Variants in DOK5 observed in about 807,000 individuals in gnomAD.
DOK5 encodes the protein downstream of tyrosine kinase 5.
DOK5 carries 27 observed loss-of-function variants against 43.3 expected under a neutral mutation model. The observed-to-expected ratio is 0.62, with a 90% confidence interval of 0.46 to 0.86. The LOEUF (loss-of-function observed/expected upper bound fraction) is 0.86, where lower values mean the gene tolerates loss of function less well. Among genes scored for constraint, DOK5 ranks in the 40% least tolerant of loss-of-function variants. The probability of loss-of-function intolerance (pLI) is 0.00; values close to 1 mark genes in which losing one functional copy is unlikely to be tolerated. For synonymous variants in DOK5, 146 were observed against 140.1 expected, an observed-to-expected ratio of 1.04 and a Z score of -0.30; for missense variants, 373 against 392.9, an observed-to-expected ratio of 0.95 and a Z score of 0.43.
At chr20:54,596,304 A>G (rs1410070218) in intron 5 of DOK5, among the ~76,000 whole-genome samples, 1 of 152,230 alleles carries the variant, frequency 6.6e-6, no homozygotes, top group Non-Finnish European at 1.5e-5. Context: ...TCTCACATCG[A>G]GAAGTGAGCA....
At chr20:54,555,153 C>T (rs910446826) in intron 2 of DOK5, 113 bp downstream of exon 2, 12 of 699,312 alleles carry the variant, frequency 1.7e-5, no homozygotes, top group Non-Finnish European at 3.0e-5. Flanking sequence ...ATATCTTTTC[C>T]AAGGACAAAA....
chr20:54,648,601 G>A (rs762436113), intron 7 of DOK5, among the ~76,000 whole-genome samples: 1 of 152,116 alleles, frequency 6.6e-6, no homozygotes, highest in Non-Finnish European at 1.5e-5. Context: ...ATGAGCTGCG[G>A]GCATTCAAAG....
At chr20:54,606,491 G>A (rs1268374878) in intron 5 of DOK5, among the ~76,000 whole-genome samples, 1 of 152,172 alleles carries the variant, frequency 6.6e-6, no homozygotes, top group Non-Finnish European at 1.5e-5. Flanking sequence ...GTTCTGTGTT[G>A]CATTTTCTCT....
chr20:54,616,338 T>G (rs1341909768), intron 6 of DOK5, among the ~76,000 whole-genome samples: 1 of 152,228 alleles, frequency 6.6e-6, no homozygotes, highest in Non-Finnish European at 1.5e-5. Context: ...TAACTCACTG[T>G]TATTCTGAAA....
intron 5 of DOK5, among the ~76,000 whole-genome samples, chr20:54,593,821 A>G (rs1420181073): frequency 6.6e-6 from 1 of 152,252 alleles, no homozygotes; most frequent in Non-Finnish European, 1.5e-5. Flanking sequence ...AGCCATAAAA[A>G]AGAATGAATC....
intron 1 of DOK5, among the ~76,000 whole-genome samples, chr20:54,544,407 A>G (rs1181707435): frequency 6.6e-6 from 1 of 152,160 alleles, no homozygotes. Context: ...TGTAGTCTTC[A>G]AGCACCAACT....
intron 1 of DOK5, among the ~76,000 whole-genome samples, chr20:54,537,235 C>T (rs1251572889): frequency 6.6e-6 from 1 of 152,198 alleles, no homozygotes; most frequent in Non-Finnish European, 1.5e-5. Context: ...ACCCCTTCTC[C>T]TGTTGTAGCA....
chr20:54,525,310 T>C (rs1169319788), intron 1 of DOK5, among the ~76,000 whole-genome samples: 2 of 152,188 alleles, frequency 1.3e-5, no homozygotes, highest in Admixed American at 1.3e-4. Flanking sequence ...ATATACTAAT[T>C]GGGTCAAGAT....
intron 2 of DOK5, among the ~76,000 whole-genome samples, chr20:54,568,142 G>T (rs1048172705): frequency 6.6e-6 from 1 of 152,150 alleles, no homozygotes; most frequent in East Asian, 1.9e-4. Context: ...TCTGTCATTG[G>T]ACTATTTGTT....
intron 1 of DOK5, among the ~76,000 whole-genome samples, chr20:54,540,900 G>A (rs1485824591): frequency 6.6e-6 from 1 of 152,056 alleles, no homozygotes; most frequent in Non-Finnish European, 1.5e-5. Flanking sequence ...TGTTTATAGA[G>A]TGCAATAAAA....
intron 6 of DOK5, among the ~76,000 whole-genome samples, chr20:54,633,172 C>A (rs1414212897): frequency 6.6e-6 from 1 of 152,216 alleles, no homozygotes; most frequent in African/African-American, 2.4e-5. Context: ...TTTGAACAAA[C>A]CCTCCAGGTA....
At chr20:54,513,279 T>C (rs1983072008) in intron 1 of DOK5, among the ~76,000 whole-genome samples, 1 of 152,128 alleles carries the variant, frequency 6.6e-6, no homozygotes, top group African/African-American at 2.4e-5. Flanking sequence ...AAAAACATTG[T>C]TCATAGTAGT....
chr20:54,486,566 C>T (rs1027238236), intron 1 of DOK5, among the ~76,000 whole-genome samples: 1 of 150,878 alleles, frequency 6.6e-6, no homozygotes, highest in Non-Finnish European at 1.5e-5. Context: ...TACACACACA[C>T]ACATGCACAC....
intron 6 of DOK5, among the ~76,000 whole-genome samples, chr20:54,632,879 C>T (rs562703597): frequency 1.3e-5 from 2 of 152,198 alleles, no homozygotes; most frequent in South Asian, 2.1e-4. Flanking sequence ...GAGTTTGAGA[C>T]CAGCCTGGCC....
chr20:54,580,890 A>T (rs920209999), intron 2 of DOK5, among the ~76,000 whole-genome samples: 4 of 151,842 alleles, frequency 2.6e-5, no homozygotes, highest in Non-Finnish European at 5.9e-5. Context: ...ATGTAGTCCT[A>T]CTTGTCTATT....
chr20:54,522,025 A>G (rs1446786328), intron 1 of DOK5, among the ~76,000 whole-genome samples: 1 of 152,198 alleles, frequency 6.6e-6, no homozygotes, highest in Non-Finnish European at 1.5e-5. Context: ...CCCCACTTGC[A>G]AGAACTTAGC....
At chr20:54,638,478 C>T (rs1978946667) in intron 6 of DOK5, among the ~76,000 whole-genome samples, 1 of 152,164 alleles carries the variant, frequency 6.6e-6, no homozygotes, top group African/African-American at 2.4e-5. Context: ...GCCCCCCAAT[C>T]TAAGAAGTTT....
At chr20:54,495,333 A>G (rs1377705452) in intron 1 of DOK5, among the ~76,000 whole-genome samples, 1 of 152,184 alleles carries the variant, frequency 6.6e-6, no homozygotes, top group Non-Finnish European at 1.5e-5. Flanking sequence ...TTATATCACC[A>G]TAAAAAGGGA....
At chr20:54,607,437 T>TGTG (rs1568807511) in intron 5 of DOK5, among the ~76,000 whole-genome samples, 1 of 151,416 alleles carries the variant, frequency 6.6e-6, no homozygotes, top group Non-Finnish European at 1.5e-5. Flanking sequence ...TGTGTGTGTG[T>TGTG]TCCAGATCTT....
Sources: gnomAD v4.1 joint callset for allele counts (sites outside exome capture counted in the v4.1 genomes callset) on GRCh38, gnomAD v4.1.1 for gene constraint, MANE v1.5 for transcripts, NCBI Gene and HGNC (gene_info 2026-07-23, HGNC 2026-07-21) for gene names.